The following RAD52 variants were observed in gnomAD, a reference collection of about 807,000 sequenced individuals.
The protein encoded by RAD52 is DNA repair protein RAD52 homolog.
Under a neutral mutation model 55.5 loss-of-function variants are expected in RAD52, and 47 were observed. The ratio of observed to expected loss-of-function variants is 0.85; its 90% confidence interval spans 0.67 to 1.08. The LOEUF is 1.08. Among genes scored for constraint, RAD52 ranks in the 50% least tolerant of loss-of-function variants. The pLI is 0.00. For synonymous variants in RAD52, 184 were observed against 198.9 expected (o/e 0.92, Z 0.63); for missense variants, 468 against 522.8 (o/e 0.90, Z 1.02).
At chr12:967,008 C>T (rs913926046) in intron 1 of RAD52, among the ~76,000 whole-genome samples, 3 of 151,874 alleles carry the variant, frequency 2.0e-5, no homozygotes, top group Non-Finnish European at 4.4e-5. Flanking sequence ...GGAATGTGTT[C>T]ACTTCCTGCT....
At chr12:942,096 A>C (rs1957950494) in intron 1 of RAD52, among the ~76,000 whole-genome samples, 1 of 152,230 alleles carries the variant, frequency 6.6e-6, no homozygotes, top group African/African-American at 2.4e-5. Context: ...AAAACTGGTA[A>C]AGATAATTCT....
chr12:925,465 A>G lies in RAD52; in HGVS notation c.528T>C (p.Asn176=), dbSNP rs985877199. The change falls in exon 7 of 12, where the codon AAT becomes AAC. Residue 176 remains asparagine, a synonymous_variant. Transcript: ENST00000358495. ...ILDKDYLRSL[N]KLPRQLPLEV... ...TCTGATATACCTGGCGTGGAAGCTTATTTAGTGATCTCAGGTAGTCTTTGT... is the reference window on the plus strand; with the variant it reads ...TCTGATATACCTGGCGTGGAAGCTTGTTTAGTGATCTCAGGTAGTCTTTGT... The G allele has an allele frequency of 2.5e-6, 4 of 1,613,762 alleles. No individual in the cohort carries two copies. The highest frequency in any genetic ancestry group is 2.7e-5 in the African/African-American group (2 of 74,928).
chr12:945,714 G>A lies in RAD52; in HGVS notation c.-19+3888C>T, dbSNP rs576306619. 2.0e-5 allele frequency among the ~76,000 whole-genome samples: 3 copies of A among 150,224 alleles called. No individual in the cohort carries two copies. In the South Asian group the frequency reaches 6.4e-4, roughly 32 times the overall value. On this transcript the variant is annotated intron_variant, in intron 1 of 11. Coordinates refer to ENST00000358495, the MANE Select transcript of RAD52 (RefSeq NM_134424.4). ...GCCTCCCAAAATGCTGGGATTACAGGCATAAGCCACCACACCTGGCCTGAA... is the reference window on the plus strand; with the variant it reads ...GCCTCCCAAAATGCTGGGATTACAGACATAAGCCACCACACCTGGCCTGAA...
chr12:933,546 T>G (rs73027378), intron 1 of RAD52, among the ~76,000 whole-genome samples: 4 of 152,138 alleles, frequency 2.6e-5, no homozygotes, highest in Non-Finnish European at 4.4e-5. Context: ...ACAGAGTTCC[T>G]CAGTGGTTAG....
intron 7 of RAD52, among the ~76,000 whole-genome samples, chr12:918,908 T>C (rs1956554788): frequency 6.6e-6 from 1 of 152,160 alleles, no homozygotes; most frequent in Admixed American, 6.5e-5. Flanking sequence ...CTATATGTTC[T>C]TTTTCATACT....
chr12:980,249 T>C (rs1166363093), intron 1 of RAD52, among the ~76,000 whole-genome samples: 1 of 151,444 alleles, frequency 6.6e-6, no homozygotes, highest in Non-Finnish European at 1.5e-5. Flanking sequence ...GAAAAAAAAA[T>C]ATCGGATATG....
In RAD52 at chr12:914,468, C is replaced by T. The variant is rs1260749565; in HGVS notation, c.930G>A (p.Glu310=). 1 of 1,613,590 alleles carries T rather than the reference C, an allele frequency of 6.2e-7. No individual in the cohort carries two copies. Among genetic ancestry groups the T allele is most frequent in the East Asian group, 2.2e-5 (1 of 44,880 alleles). Residue 310 remains glutamate, a synonymous_variant, in exon 10 of 12, where the codon GAG becomes GAA. Transcript: ENST00000358495. ...GAGTCACTCCTGCAAGGAAGTCTTT[C>T]TCCAGGAGTGGTTCTGAGACAGTTA... is the stretch of plus-strand genomic sequence containing the variant. The part of the protein sequence containing the change: ...TPVTVSEPLL[E]KDFLAGVTQE...
intron 1 of RAD52, among the ~76,000 whole-genome samples, chr12:935,802 G>A (rs559718139): frequency 4.6e-5 from 7 of 151,590 alleles, no homozygotes; most frequent in South Asian, 2.1e-4. Context: ...GCAGTGAGCC[G>A]AGATTGCGCC....
At chr12:924,530 A>C (rs797005544) in intron 7 of RAD52, among the ~76,000 whole-genome samples, 1 of 152,212 alleles carries the variant, frequency 6.6e-6, no homozygotes, top group South Asian at 2.1e-4. Context: ...CATGAGGACA[A>C]GAATCCCTCA....
intron 1 of RAD52, among the ~76,000 whole-genome samples, chr12:978,274 C>G (rs1189216760): frequency 6.6e-6 from 1 of 151,632 alleles, no homozygotes; most frequent in Non-Finnish European, 1.5e-5. Context: ...AGGCTGGTCT[C>G]GAACTCCTGA....
rs1565640006 is a variant in RAD52, at chr12:912,730, A to AAAAAAC, written c.*660_*661insGTTTTT. The AAAAAAC allele has an allele frequency of 4.7e-5, 7 of 147,786 alleles. No individual in the cohort carries two copies. Among genetic ancestry groups the AAAAAAC allele is most frequent in the African/African-American group, 1.6e-4 (6 of 37,720 alleles). 9.2% of individuals were successfully genotyped at this position (147,786 alleles called of 1,614,324 possible). On this transcript the variant is annotated 3_prime_UTR_variant, in exon 12 of 12. Coordinates refer to ENST00000358495, the MANE Select transcript of RAD52 (RefSeq NM_134424.4). ...ACAGCCAGACCCCGTCTCAAAAAAAAAAAAAAAAAAAAAAACAAAAAACAG... is the reference window on the plus strand; with the variant it reads ...ACAGCCAGACCCCGTCTCAAAAAAAAAAAAACAAAAAAAAAAAAAAACAAAAAACAG...
At chr12:922,978 G>C (rs955028661) in intron 7 of RAD52, among the ~76,000 whole-genome samples, 2 of 151,344 alleles carry the variant, frequency 1.3e-5, no homozygotes, top group African/African-American at 4.8e-5. Context: ...TTACAGGCAG[G>C]CTGACCACCG....
chr12:972,736 A>G (rs1958878989), intron 1 of RAD52, among the ~76,000 whole-genome samples: 1 of 142,720 alleles, frequency 7.0e-6, no homozygotes, highest in Non-Finnish European at 1.5e-5. Flanking sequence ...ACTGCACTCC[A>G]GCCTGGGCGA....
chr12:985,141 A>G (rs1016422961), intron 1 of RAD52, among the ~76,000 whole-genome samples: 1 of 152,078 alleles, frequency 6.6e-6, no homozygotes, highest in Admixed American at 6.6e-5. Context: ...ATGAAGTCCA[A>G]TTAATTTTAT....
At chr12:967,959 TG>T (rs1958793464) in intron 1 of RAD52, among the ~76,000 whole-genome samples, 1 of 152,062 alleles carries the variant, frequency 6.6e-6, no homozygotes, top group Non-Finnish European at 1.5e-5. Context: ...CTGGGATTAC[TG>T]GTGTGAGCCA....
chr12:958,783 C>T (rs1958646019), intron 1 of RAD52, among the ~76,000 whole-genome samples: 1 of 152,068 alleles, frequency 6.6e-6, no homozygotes, highest in Non-Finnish European at 1.5e-5. Context: ...TTCAGAGGCC[C>T]TTCTACAAGT....
chr12:935,968 C>G (rs193074815), intron 1 of RAD52, among the ~76,000 whole-genome samples: 103 of 151,758 alleles, frequency 6.8e-4, no homozygotes, highest in African/African-American at 2.1e-3. Flanking sequence ...ATCCACCCGC[C>G]TCAGGTGTGA....
chr12:932,937 C>T lies in RAD52; in HGVS notation c.84+38G>A, dbSNP rs11571396. ...TGCCTTGCCCTAACTTTACTCACTT[C>T]ACCTCATTCTTTCCCGGCATGAAGG... On this transcript the variant is annotated intron_variant, in intron 2 of 11. Transcript: ENST00000358495. 13,520 of 1,598,226 alleles carry T rather than the reference C, an allele frequency of 8.5e-3. 647 individuals carry two copies. In the African/African-American group the frequency reaches 0.11, roughly 13 times the overall value.
intron 5 of RAD52, among the ~76,000 whole-genome samples, chr12:927,588 C>T (rs11571439): frequency 0.069 from 10,509 of 152,132 alleles, 434 homozygotes; most frequent in African/African-American, 0.086. Flanking sequence ...ATGGCCGGGC[C>T]GGGCGTGGTG....
Sources: allele counts gnomAD v4.1 joint callset (sites outside exome capture counted in the v4.1 genomes callset), GRCh38; gene constraint gnomAD v4.1.1; transcripts MANE v1.5; gene names NCBI Gene and HGNC (gene_info 2026-07-23, HGNC 2026-07-21).